The following ZNF618 variants were observed in gnomAD, a reference collection of about 807,000 sequenced individuals.
ZNF618 encodes the protein neural precursor cell expressed, developmentally down-regulated 10.
In ZNF618, 34 loss-of-function variants were observed where a neutral mutation model predicts 103.0. The observed-to-expected ratio is 0.33, with a 90% CI of 0.25 to 0.44. The LOEUF is 0.44. Ranked by LOEUF, ZNF618 falls within the 20% of genes least tolerant of loss-of-function variation. The pLI is 1.00. For missense variants in ZNF618, 1,059 were observed against 1,295.4 expected (o/e 0.82, Z 2.80); for synonymous variants, 551 against 542.2 (o/e 1.02, Z -0.23).
At chr9:113,963,480 T>C (rs1184725843) in intron 1 of ZNF618, among the ~76,000 whole-genome samples, 2 of 152,164 alleles carry the variant, frequency 1.3e-5, no homozygotes, top group African/African-American at 4.8e-5. Context: ...GGGTTCATGT[T>C]CATGCTTCCC....
At chr9:113,936,693 C>T (rs925032265) in intron 1 of ZNF618, among the ~76,000 whole-genome samples, 12 of 152,116 alleles carry the variant, frequency 7.9e-5, no homozygotes, top group African/African-American at 2.4e-4. Context: ...GAATAGAACC[C>T]GGCAATAATA....
chr9:113,955,736 A>G (rs1432724796), intron 1 of ZNF618, among the ~76,000 whole-genome samples: 2 of 151,794 alleles, frequency 1.3e-5, no homozygotes, highest in Non-Finnish European at 2.9e-5. Flanking sequence ...TCTCTTTCAC[A>G]GCAAAAGTAA....
At chr9:114,010,322 TGAA>T (rs1842124872) in intron 9 of ZNF618, among the ~76,000 whole-genome samples, 1 of 136,846 alleles carries the variant, frequency 7.3e-6, no homozygotes, top group Non-Finnish European at 1.6e-5. Context: ...AAAAAAAAGA[TGAA>T]GAATATGATG....
chr9:113,877,664 T>TG (rs1198133160), intron 1 of ZNF618, among the ~76,000 whole-genome samples: 8 of 151,812 alleles, frequency 5.3e-5, no homozygotes, highest in Middle Eastern at 3.2e-3. Context: ...TGTGTGTGTG[T>TG]TTTTTTTGTT....
chr9:113,981,781 C>T (rs1281031840), intron 2 of ZNF618, among the ~76,000 whole-genome samples: 1 of 152,234 alleles, frequency 6.6e-6, no homozygotes, highest in East Asian at 1.9e-4. Flanking sequence ...AAGCTCATCA[C>T]TAAAAATTGT....
In ZNF618 at chr9:114,002,636, C is replaced by T. The variant is rs759672987; in HGVS notation, c.524C>T (p.Thr175Ile). 6.2e-7 allele frequency: 1 copy of T among 1,611,410 alleles called. No homozygotes were observed. The highest frequency in any genetic ancestry group is 2.2e-5 in the East Asian group (1 of 44,872). ...HVRAHRDTEA[T>I]SGEGASQSNN... ...TCTCTCTTTGCAGACACCGAAGCCA[C>T]CTCAGGGGAGGGAGCCTCCCAAAGC... is the stretch of plus-strand genomic sequence containing the variant. Residue 175 changes from threonine (T) to isoleucine (I), a missense_variant, in exon 6 of 15, where the codon ACC becomes ATC. By Grantham distance (89) the Thr-to-Ile change is moderately conservative. Around this residue, in one of 6 missense-constraint regions of ZNF618, gnomAD observed 434 missense variants for 476.0 expected, o/e 0.91. Transcript: ENST00000374126.
At chr9:113,928,593 C>T (rs555473549) in intron 1 of ZNF618, among the ~76,000 whole-genome samples, 171 of 152,268 alleles carry the variant, frequency 1.1e-3, no homozygotes, top group Non-Finnish European at 2.1e-3. Context: ...GTTTAATGTT[C>T]GCTGTAGCTG....
chr9:114,013,202 A>AT (rs765197117), intron 9 of ZNF618, among the ~76,000 whole-genome samples: 85 of 151,858 alleles, frequency 5.6e-4, no homozygotes, highest in Admixed American at 4.6e-4. Flanking sequence ...TTAAAAACGT[A>AT]TTTTTTTTCT....
At chr9:113,880,008 C>A (rs563316947) in intron 1 of ZNF618, among the ~76,000 whole-genome samples, 3 of 152,228 alleles carry the variant, frequency 2.0e-5, no homozygotes, top group African/African-American at 7.2e-5. Context: ...CAGCCAATGG[C>A]TTGTTTCACT....
intron 1 of ZNF618, among the ~76,000 whole-genome samples, chr9:113,914,503 A>C (rs1161587648): frequency 6.6e-6 from 1 of 152,220 alleles, no homozygotes; most frequent in African/African-American, 2.4e-5. Context: ...AATCCCAATC[A>C]TTCGGAGTTG....
intron 3 of ZNF618, among the ~76,000 whole-genome samples, chr9:113,994,992 A>G (rs962329652): frequency 6.6e-6 from 1 of 152,188 alleles, no homozygotes; most frequent in Non-Finnish European, 1.5e-5. Context: ...AATGTATCCA[A>G]GGGAATCCAA....
rs1009810206 is a variant in ZNF618 at position 113,969,758 on chromosome 9, C to T, written c.77+598C>T. Among the ~76,000 whole-genome samples the T allele has an allele frequency of 2.6e-5, 4 of 152,164 alleles. No individual in the cohort carries two copies. In the East Asian group the frequency reaches 7.7e-4, roughly 29 times the overall value. ...TCATGACAGGTGTCACAGGTAGGTACTTGGTAATGTTAACACCCATGCTGC... is the reference window on the plus strand; with the variant it reads ...TCATGACAGGTGTCACAGGTAGGTATTTGGTAATGTTAACACCCATGCTGC... On this transcript the variant is annotated intron_variant, in intron 2 of 14. Transcript: ENST00000374126.
At position 114,056,431 on chromosome 9, in the gene ZNF618, G is replaced by T. The variant is rs532367044; in HGVS notation, c.*6264G>T. ...TAAGTCGCCAAAAGCCCCAGCCCGGGATTCAGTACCTCCCCTGCCCCCCGA... is the reference window on the plus strand; with the variant it reads ...TAAGTCGCCAAAAGCCCCAGCCCGGTATTCAGTACCTCCCCTGCCCCCCGA... On this transcript the variant is annotated 3_prime_UTR_variant, in exon 15 of 15. Transcript: ENST00000374126. 1 of 152,276 alleles carries T rather than the reference G, an allele frequency of 6.6e-6. No homozygotes were observed. Among genetic ancestry groups the T allele is most frequent in the African/African-American group, 2.4e-5 (1 of 41,564 alleles). 9.4% of individuals were successfully genotyped at this position (152,276 alleles called of 1,614,324 possible). A position where few individuals can be genotyped will look rare whatever the true frequency, so the allele number is the denominator to read the frequency against.
intron 1 of ZNF618, among the ~76,000 whole-genome samples, chr9:113,962,254 C>G (rs1330910111): frequency 6.6e-6 from 1 of 151,994 alleles, no homozygotes; most frequent in African/African-American, 2.4e-5. Context: ...TATGTCATAC[C>G]CCACATCTAA....
At chr9:114,036,267 C>T (rs759556526) in intron 12 of ZNF618, 33 bp from the exon 13 acceptor site, 3 of 1,552,834 alleles carry the variant, frequency 1.9e-6, no homozygotes, top group Non-Finnish European at 2.6e-6. Context: ...GTCGGTTCCA[C>T]CCCTCACGTG....
At chr9:114,048,076 G>A (rs754963522) in intron 14 of ZNF618, 82 bp downstream of exon 14, 12 of 1,204,072 alleles carry the variant, frequency 1.0e-5, no homozygotes, top group Non-Finnish European at 1.4e-5. Context: ...CCCACCATTT[G>A]TGCTTCCTGT....
chr9:113,966,426 T>C (rs887193717), intron 1 of ZNF618, among the ~76,000 whole-genome samples: 2 of 152,212 alleles, frequency 1.3e-5, no homozygotes, highest in East Asian at 1.9e-4. Context: ...ATGAGTTTGC[T>C]GTTTAGGTTG....
intron 1 of ZNF618, among the ~76,000 whole-genome samples, chr9:113,958,444 G>C (rs74967400): frequency 6.6e-6 from 1 of 152,154 alleles, no homozygotes; most frequent in Non-Finnish European, 1.5e-5. Context: ...TAGATTGCTA[G>C]GATTACCTTC....
intron 6 of ZNF618, among the ~76,000 whole-genome samples, chr9:114,004,445 C>T (rs1841544862): frequency 6.6e-6 from 1 of 152,234 alleles, no homozygotes; most frequent in African/African-American, 2.4e-5. Flanking sequence ...TAAAGAACTT[C>T]CCTATTTATC....
Sources: gnomAD v4.1 joint callset for allele counts (sites outside exome capture counted in the v4.1 genomes callset) on GRCh38, gnomAD v4.1.1 for gene constraint, gnomAD v4.1.1 regional missense constraint, MANE v1.5 for transcripts, NCBI Gene and HGNC (gene_info 2026-07-23, HGNC 2026-07-21) for gene names.